The following VWC2 variants were observed in gnomAD, a reference collection of about 807,000 sequenced individuals.
VWC2 encodes the protein brorin.
Under a neutral mutation model 29.8 loss-of-function variants are expected in VWC2, and 14 were observed. That is an observed-to-expected ratio of 0.47 (90% CI 0.31 to 0.74). The LOEUF is 0.74. Ranked by LOEUF, VWC2 falls within the 30% of genes least tolerant of loss-of-function variation. The pLI is 0.05. For synonymous variants in VWC2, 213 were observed against 199.0 expected, an observed-to-expected ratio of 1.07 and a Z score of -0.59; for missense variants, 457 against 459.8, an observed-to-expected ratio of 0.99 and a Z score of 0.05.
chr7:49,842,283 G>A (rs1178364512), intron 3 of VWC2, among the ~76,000 whole-genome samples: 1 of 152,190 alleles, frequency 6.6e-6, no homozygotes, highest in Non-Finnish European at 1.5e-5. Flanking sequence ...CATAGCTCAT[G>A]AGAGATGTTA....
At chr7:49,844,284 C>T (rs934383282) in intron 3 of VWC2, among the ~76,000 whole-genome samples, 1 of 152,130 alleles carries the variant, frequency 6.6e-6, no homozygotes, top group Admixed American at 6.5e-5. Context: ...ATCCTCTCAA[C>T]CTTTAAAGCA....
At chr7:49,888,731 T>C (rs2128729628) in intron 3 of VWC2, among the ~76,000 whole-genome samples, 1 of 152,164 alleles carries the variant, frequency 6.6e-6, no homozygotes, top group Admixed American at 6.5e-5. Flanking sequence ...GCCAACATGG[T>C]AAAACCCCGT....
chr7:49,790,841 G>T (rs201337452), intron 2 of VWC2, among the ~76,000 whole-genome samples: 1 of 151,946 alleles, frequency 6.6e-6, no homozygotes, highest in Non-Finnish European at 1.5e-5. Flanking sequence ...GAACAAGGAC[G>T]GGGGAGAGGT....
At chr7:49,813,878 G>A (rs1244026479) in intron 3 of VWC2, among the ~76,000 whole-genome samples, 1 of 152,068 alleles carries the variant, frequency 6.6e-6, no homozygotes, top group East Asian at 1.9e-4. Context: ...GAGAACCATA[G>A]GAAGCATTAG....
At chr7:49,838,971 C>T (rs1789731496) in intron 3 of VWC2, among the ~76,000 whole-genome samples, 1 of 152,046 alleles carries the variant, frequency 6.6e-6, no homozygotes, top group South Asian at 2.1e-4. Context: ...GAAATAGGGC[C>T]TGTGAGGGAG....
intron 3 of VWC2, among the ~76,000 whole-genome samples, chr7:49,886,631 T>G (rs572005743): frequency 2.0e-5 from 3 of 152,332 alleles, no homozygotes; most frequent in Admixed American, 1.3e-4. Flanking sequence ...GGTTCAGGGG[T>G]ACATGGGCAG....
intron 3 of VWC2, among the ~76,000 whole-genome samples, chr7:49,902,903 T>A (rs1386548109): frequency 6.6e-6 from 1 of 151,792 alleles, no homozygotes; most frequent in Non-Finnish European, 1.5e-5. Flanking sequence ...AACATATAAA[T>A]AACACAACAT....
chr7:49,890,960 A>G (rs1274745871), intron 3 of VWC2, among the ~76,000 whole-genome samples: 2 of 152,194 alleles, frequency 1.3e-5, no homozygotes, highest in East Asian at 3.8e-4. Context: ...AAATGAGATA[A>G]AAGGAACAAA....
At chr7:49,895,965 A>G (rs1562758409) in intron 3 of VWC2, among the ~76,000 whole-genome samples, 1 of 152,172 alleles carries the variant, frequency 6.6e-6, no homozygotes, top group Non-Finnish European at 1.5e-5. Context: ...TTCACCAGGT[A>G]GTCATGAGTG....
chr7:49,863,300 C>A (rs191565948), intron 3 of VWC2, among the ~76,000 whole-genome samples: 2 of 152,152 alleles, frequency 1.3e-5, no homozygotes, highest in African/African-American at 4.8e-5. Flanking sequence ...TGTGAGCTCC[C>A]ACTTTCATTC....
intron 3 of VWC2, among the ~76,000 whole-genome samples, chr7:49,898,744 C>T (rs539716372): frequency 6.6e-6 from 1 of 152,142 alleles, no homozygotes; most frequent in East Asian, 1.9e-4. Flanking sequence ...ATAAGATACT[C>T]TCATTACCCA....
intron 3 of VWC2, among the ~76,000 whole-genome samples, chr7:49,904,337 T>C (rs1007344266): frequency 6.6e-6 from 1 of 152,240 alleles, no homozygotes; most frequent in South Asian, 2.1e-4. Flanking sequence ...GCTGTAACTT[T>C]GGGAAAAAAA....
intron 3 of VWC2, among the ~76,000 whole-genome samples, chr7:49,880,750 G>A (rs1012690669): frequency 4.6e-5 from 7 of 152,050 alleles, no homozygotes; most frequent in Non-Finnish European, 8.8e-5. Flanking sequence ...GTTAACGGAT[G>A]CAGCACACCA....
rs117040114 is a variant in VWC2 at position 49,855,826 on chromosome 7, C to T, written c.826+52986C>T. On this transcript the variant is annotated intron_variant, in intron 3 of 3. Transcript: ENST00000340652. ...CCAGGGGCCGGTGGCTGACGGTGCA[C>T]GTTAATTCCCAGAGCACCTGGCTCC... Among the ~76,000 whole-genome samples, 34 of 152,192 alleles carry T rather than the reference C, an allele frequency of 2.2e-4. 2 individuals are homozygous for T. In the East Asian group the frequency reaches 5.4e-3, roughly 24 times the overall value.
chr7:49,846,768 T>TA (rs1157177333), intron 3 of VWC2, among the ~76,000 whole-genome samples: 1 of 152,234 alleles, frequency 6.6e-6, no homozygotes, highest in Non-Finnish European at 1.5e-5. Context: ...AATTTCCTGA[T>TA]ATAGGAATGC....
chr7:49,901,431 T>C (rs1792718348), intron 3 of VWC2, among the ~76,000 whole-genome samples: 1 of 151,724 alleles, frequency 6.6e-6, no homozygotes, highest in South Asian at 2.1e-4. Flanking sequence ...AACTGTAATT[T>C]AAAATTAAAT....
intron 3 of VWC2, among the ~76,000 whole-genome samples, chr7:49,880,435 T>C (rs1039679707): frequency 1.3e-5 from 2 of 151,990 alleles, no homozygotes; most frequent in South Asian, 4.1e-4. Flanking sequence ...TCTTTTGTTT[T>C]GTTTTTGACC....
In VWC2 at chr7:49,792,848, T is replaced by C. The variant is rs1788496108; in HGVS notation, c.697-9863T>C. On this transcript the variant is annotated intron_variant, in intron 2 of 3. Coordinates refer to ENST00000340652, the MANE Select transcript of VWC2 (RefSeq NM_198570.5). ...CGTGGGATTCCTCCTGTGCATCTCA[T>C]CTTGGTACTGTGATGTCGGGCAGTC... Among the ~76,000 whole-genome samples, 4 of 152,128 alleles carry C rather than the reference T, an allele frequency of 2.6e-5. No homozygotes were observed. The South Asian group carries it at 8.3e-4, about 32-fold the overall frequency.
chr7:49,852,322 G>A (rs1420448631), intron 3 of VWC2, among the ~76,000 whole-genome samples: 2 of 152,238 alleles, frequency 1.3e-5, no homozygotes, highest in African/African-American at 4.8e-5. Context: ...CATGCATGCA[G>A]ATGACATTGC....
Sources: gnomAD v4.1 joint callset for allele counts (sites outside exome capture counted in the v4.1 genomes callset) on GRCh38, gnomAD v4.1.1 for gene constraint, MANE v1.5 for transcripts, NCBI Gene and HGNC (gene_info 2026-07-23, HGNC 2026-07-21) for gene names.